Variants in ARMC2 observed in about 807,000 individuals in gnomAD.
ARMC2 encodes armadillo repeat-containing protein 2.
Under a neutral mutation model 90.3 loss-of-function variants are expected in ARMC2, and 67 were observed. That is an observed-to-expected ratio of 0.74 (90% CI 0.61 to 0.91). The LOEUF (loss-of-function observed/expected upper bound fraction) is 0.91. Among genes scored for constraint, ARMC2 ranks in the 40% least tolerant of loss-of-function variants. The pLI is 0.00. For synonymous variants in ARMC2, 393 were observed against 393.0 expected (o/e 1.00, Z 0.00); for missense variants, 920 against 1,030.9 (o/e 0.89, Z 1.47).
At chr6:109,035,016 T>A in the ARMC2 span, among the ~76,000 whole-genome samples, 7 of 152,332 alleles carry the variant, frequency 4.6e-5, no homozygotes, top group African/African-American at 1.7e-4. Context: ...ATTTCACTTA[T>A]TTTCTTAATA....
intron 10 of ARMC2, among the ~76,000 whole-genome samples, chr6:108,920,612 T>G (rs560821712): frequency 6.6e-6 from 1 of 152,194 alleles, no homozygotes; most frequent in Admixed American, 6.5e-5. Context: ...AACCTAAATA[T>G]GTAATGCCTT....
At chr6:109,045,507 G>C in the ARMC2 span, among the ~76,000 whole-genome samples, 1 of 152,184 alleles carries the variant, frequency 6.6e-6, no homozygotes, top group Non-Finnish European at 1.5e-5. Context: ...ATGATACTGA[G>C]TTCAACTTAC....
chr6:108,978,690 C>A (rs180729143), downstream of ARMC2, among the ~76,000 whole-genome samples: 231 of 152,214 alleles, frequency 1.5e-3, 1 homozygote, highest in African/African-American at 5.4e-3. Flanking sequence ...TGTATTGATG[C>A]GTACATATTT....
chr6:108,951,727 G>A (rs1027142798), intron 12 of ARMC2, among the ~76,000 whole-genome samples: 31 of 152,200 alleles, frequency 2.0e-4, no homozygotes, highest in Admixed American at 1.4e-3. Flanking sequence ...CCCTGGCGTC[G>A]CACCTGGACA....
the ARMC2 span, among the ~76,000 whole-genome samples, chr6:108,989,958 T>C: frequency 6.6e-6 from 1 of 152,180 alleles, no homozygotes; most frequent in Non-Finnish European, 1.5e-5. Context: ...GGAAATTAGT[T>C]TAAAGTTGGT....
chr6:108,929,140 C>T (rs1384441729), intron 11 of ARMC2, among the ~76,000 whole-genome samples: 1 of 152,106 alleles, frequency 6.6e-6, no homozygotes, highest in Non-Finnish European at 1.5e-5. Flanking sequence ...CCCCTCCTTC[C>T]CTCCAGATCT....
At chr6:108,901,587 T>C (rs1160078867) in intron 7 of ARMC2, among the ~76,000 whole-genome samples, 1 of 151,846 alleles carries the variant, frequency 6.6e-6, no homozygotes, top group Middle Eastern at 3.2e-3. Context: ...TGCTAATTTT[T>C]TGTATTTTTT....
At chr6:108,983,292 A>C in the ARMC2 span, among the ~76,000 whole-genome samples, 1 of 152,118 alleles carries the variant, frequency 6.6e-6, no homozygotes, top group East Asian at 1.9e-4. Context: ...TGTAATTCCA[A>C]TGGTCTTTTT....
chr6:108,850,872 G>A (rs1458824396), intron 1 of ARMC2, among the ~76,000 whole-genome samples: 1 of 152,142 alleles, frequency 6.6e-6, no homozygotes, highest in African/African-American at 2.4e-5. Context: ...AGACCAGCCC[G>A]GGGCCTTTTG....
chr6:108,858,373 A>G lies in ARMC2; in HGVS notation c.291+102A>G, dbSNP rs1774869994. On this transcript the variant is annotated intron_variant, in intron 3 of 17. Transcript: ENST00000392644. The stretch of plus-strand genomic sequence containing the variant: ...ACTTATATATGCTATGATAATTATC[A>G]TGTACACCTAAATAGACTAATAATT... 19 of 763,946 alleles carry G rather than the reference A, an allele frequency of 2.5e-5. No individual in the cohort carries two copies. The South Asian group carries it at 3.2e-4, about 13-fold the overall frequency. The allele number at this position is 763,946 out of a possible 1,614,324, so 47.3% of individuals were successfully genotyped here.
At chr6:108,858,143 A>G in intron 2 of ARMC2, 56 bp from the exon 3 acceptor site, 2 of 1,408,320 alleles carry the variant, frequency 1.4e-6, no homozygotes, top group Non-Finnish European at 2.0e-6. Context: ...AATATATACT[A>G]TAAATAAAGA....
intron 12 of ARMC2, among the ~76,000 whole-genome samples, chr6:108,939,556 T>C (rs2128494628): frequency 6.6e-6 from 1 of 152,286 alleles, no homozygotes; most frequent in South Asian, 2.1e-4. Context: ...GAAAGTTTCC[T>C]GAGGCCTCCC....
In ARMC2 at chr6:108,868,853, A is replaced by G; in HGVS notation, c.321A>G (p.Arg107=). 1 of 1,613,614 alleles carries G rather than the reference A, an allele frequency of 6.2e-7. No homozygotes were observed. Among genetic ancestry groups the G allele is most frequent in the Non-Finnish European group, 8.5e-7 (1 of 1,179,734 alleles). The change falls in exon 4 of 18, where the codon AGA becomes AGG. Residue 107 remains arginine (R), a synonymous_variant. Coordinates refer to ENST00000392644, the MANE Select transcript of ARMC2 (RefSeq NM_032131.6). ...CGAAAGTTCCAGCATCTCCCACCAGAGAGGAGGATTCCTGCTTTTCCTTTC... is the reference window on the plus strand; with the variant it reads ...CGAAAGTTCCAGCATCTCCCACCAGGGAGGAGGATTCCTGCTTTTCCTTTC... ...LKPKVPASPT[R]EEDSCFSFPK...
At chr6:108,889,992 TC>T (rs1393956606) in intron 5 of ARMC2, among the ~76,000 whole-genome samples, 112 of 148,296 alleles carry the variant, frequency 7.6e-4, no homozygotes, top group Non-Finnish European at 1.2e-3. Context: ...ATCGAGACCA[TC>T]CCGGCTAAAA....
At chr6:108,984,250 T>C in the ARMC2 span, among the ~76,000 whole-genome samples, 1 of 152,232 alleles carries the variant, frequency 6.6e-6, no homozygotes, top group African/African-American at 2.4e-5. Context: ...TAGTTTTCAA[T>C]GTGTAAGTCT....
intron 13 of ARMC2, among the ~76,000 whole-genome samples, chr6:108,960,841 A>G (rs1777950348): frequency 6.6e-6 from 1 of 152,146 alleles, no homozygotes; most frequent in Non-Finnish European, 1.5e-5. Context: ...ATATTCCAAG[A>G]GGCCAGGAGG....
At chr6:108,911,044 G>A in intron 9 of ARMC2, 43 bp downstream of exon 9, 1 of 1,229,032 alleles carries the variant, frequency 8.1e-7, no homozygotes, top group Non-Finnish European at 1.1e-6. Flanking sequence ...TGCTGTACTT[G>A]AGTAAAAATT....
At chr6:109,004,968 AAG>A in the ARMC2 span, among the ~76,000 whole-genome samples, 1 of 152,178 alleles carries the variant, frequency 6.6e-6, no homozygotes, top group African/African-American at 2.4e-5. Flanking sequence ...TATGAGAAAA[AAG>A]AGTATAGAGA....
intron 3 of ARMC2, among the ~76,000 whole-genome samples, chr6:108,858,667 GTCTC>G (rs138070654): frequency 0.019 from 2,803 of 150,624 alleles, 73 homozygotes; most frequent in African/African-American, 0.064. Context: ...TTTATATGTA[GTCTC>G]TCTATATATA....
Sources: allele counts gnomAD v4.1 joint callset (sites outside exome capture counted in the v4.1 genomes callset), GRCh38; gene constraint gnomAD v4.1.1; transcripts MANE v1.5; gene names NCBI Gene and HGNC (gene_info 2026-07-23, HGNC 2026-07-21).